Variants in MEGF10 observed in about 807,000 individuals in gnomAD.
MEGF10 encodes multiple EGF like domains 10, also known as multiple epidermal growth factor-like domains protein 10.
A neutral mutation model predicts 147.5 loss-of-function variants in MEGF10; 86 were observed. That is an observed-to-expected ratio of 0.58 (90% CI 0.49 to 0.70). MEGF10 has a LOEUF of 0.70. MEGF10 is among the 30% of genes least tolerant of loss of function. The probability of loss-of-function intolerance (pLI) is 0.00; values close to 1 mark genes in which losing one functional copy is unlikely to be tolerated. For missense variants in MEGF10, 1,329 were observed against 1,487.3 expected (o/e 0.89, Z 1.75); for synonymous variants, 478 against 525.5 (o/e 0.91, Z 1.24).
chr5:127,257,548 C>A, the MEGF10 span, among the ~76,000 whole-genome samples: 1 of 152,118 alleles, frequency 6.6e-6, no homozygotes, highest in Non-Finnish European at 1.5e-5. Flanking sequence ...AAAAGGATTA[C>A]CTTTGTAAAC....
At chr5:127,327,768 G>A (rs150646984) in intron 1 of MEGF10, among the ~76,000 whole-genome samples, 1 of 147,320 alleles carries the variant, frequency 6.8e-6, no homozygotes, top group African/African-American at 2.5e-5. Context: ...AGGCTGGAGT[G>A]CAATGGCACG....
At chr5:127,390,465 T>C (rs540875462) in intron 5 of MEGF10, among the ~76,000 whole-genome samples, 3 of 152,244 alleles carry the variant, frequency 2.0e-5, no homozygotes, top group East Asian at 1.9e-4. Flanking sequence ...AATTTTTGTA[T>C]ATTTTTGTAG....
intron 4 of MEGF10, among the ~76,000 whole-genome samples, chr5:127,341,504 G>A (rs1303947410): frequency 1.3e-5 from 2 of 152,056 alleles, no homozygotes. Flanking sequence ...CACTTGGCTG[G>A]GTGGCCTCAG....
At position 127,386,991 on chromosome 5, in the gene MEGF10, C is replaced by G. The variant is rs1024451708; in HGVS notation, c.413-9541C>G. On this transcript the variant is annotated intron_variant, in intron 5 of 24. Coordinates refer to ENST00000503335, the MANE Select transcript of MEGF10 (RefSeq NM_001256545.2). The stretch of plus-strand genomic sequence containing the variant: ...CCAAGGTTCTGTAGCGATGAATTGG[C>G]CATGGGCTAGCTAGGGCCCAGGTCT... Among the ~76,000 whole-genome samples, 3 of 152,320 alleles carry G rather than the reference C, an allele frequency of 2.0e-5. No homozygotes were observed. The East Asian group carries it at 5.8e-4, about 29-fold the overall frequency.
At position 127,445,712 on chromosome 5, in the gene MEGF10, G is replaced by T; in HGVS notation, c.2728+19G>T. On this transcript the variant is annotated intron_variant, in intron 20 of 24. Coordinates refer to ENST00000503335, the MANE Select transcript of MEGF10 (RefSeq NM_001256545.2). The stretch of plus-strand genomic sequence containing the variant: ...ATTTCAGGTAAGAGCAGAGGCAGGA[G>T]AGGCATTTTGCTTCTTGAAAAGTTA... The T allele has an allele frequency of 6.3e-7, 1 of 1,583,602 alleles. No individual in the cohort carries two copies. The highest frequency in any genetic ancestry group is 8.7e-7 in the Non-Finnish European group (1 of 1,152,566).
chr5:127,316,047 C>T (rs1760535886), intron 1 of MEGF10, among the ~76,000 whole-genome samples: 1 of 152,180 alleles, frequency 6.6e-6, no homozygotes, highest in South Asian at 2.1e-4. Flanking sequence ...CAGGCAGGCC[C>T]CAGGAATTGT....
At chr5:127,401,879 C>T (rs1036406843) in intron 7 of MEGF10, among the ~76,000 whole-genome samples, 17 of 152,252 alleles carry the variant, frequency 1.1e-4, no homozygotes, top group South Asian at 4.2e-4. Context: ...TGGTTTTTCT[C>T]CCCAGGAAAT....
chr5:127,330,497 A>C (rs1049999662), intron 1 of MEGF10, among the ~76,000 whole-genome samples: 2 of 152,006 alleles, frequency 1.3e-5, no homozygotes, highest in Non-Finnish European at 2.9e-5. Flanking sequence ...CACCCTCTTC[A>C]ATCTCCTTTG....
At chr5:127,369,837 G>A in intron 4 of MEGF10, 73 bp from the exon 5 acceptor site, 1 of 1,165,780 alleles carries the variant, frequency 8.6e-7, no homozygotes. Context: ...AGACTTGGAT[G>A]TGCAACAGCT....
chr5:127,315,408 A>T (rs978415403), intron 1 of MEGF10, among the ~76,000 whole-genome samples: 1 of 152,208 alleles, frequency 6.6e-6, no homozygotes. Context: ...ATATTTTAAA[A>T]TTTATAATCA....
chr5:127,458,319 GA>G lies in MEGF10; in HGVS notation c.*1004del, dbSNP rs1204157706. 1.3e-5 allele frequency: 2 copies of G among 152,138 alleles called. No individual in the cohort carries two copies. The highest frequency in any genetic ancestry group is 4.8e-5 in the African/African-American group (2 of 41,442). The allele number at this position is 152,138 out of a possible 1,614,324, so 9.4% of individuals were successfully genotyped here. On this transcript the variant is annotated 3_prime_UTR_variant, in exon 25 of 25. Transcript: ENST00000503335. The stretch of plus-strand genomic sequence containing the variant: ...GATTAATCTTTCCCTAGAAGTGACT[GA>G]AATATTTTTGTGCATATTTGAGAAA...
At chr5:127,326,082 AT>A (rs923583316) in intron 1 of MEGF10, among the ~76,000 whole-genome samples, 19 of 147,916 alleles carry the variant, frequency 1.3e-4, no homozygotes, top group Admixed American at 2.0e-4. Flanking sequence ...AGCCTGGCTA[AT>A]TTTTTTTTTT....
chr5:127,457,044 G>A, intron 24 of MEGF10, 84 bp from the exon 25 acceptor site: 1 of 1,328,410 alleles, frequency 7.5e-7, no homozygotes, highest in South Asian at 1.6e-5. Flanking sequence ...TCCCTTTGGT[G>A]TGTTTGACAT....
intron 13 of MEGF10, chr5:127,424,529 G>A: frequency 2.1e-5 from 30 of 1,428,902 alleles, no homozygotes; most frequent in Non-Finnish European, 2.6e-5. Context: ...AACCTCTTCA[G>A]TAGTGTCTCT....
intron 13 of MEGF10, among the ~76,000 whole-genome samples, chr5:127,432,794 T>A (rs1482295342): frequency 6.6e-6 from 1 of 152,238 alleles, no homozygotes; most frequent in Admixed American, 6.5e-5. Context: ...TGTGATATTC[T>A]GCCAATATCT....
rs1424190911 is a variant in MEGF10 at position 127,457,625 on chromosome 5, G to A, written c.*307G>A. The A allele has an allele frequency of 1.2e-5, 4 of 325,030 alleles. No individual in the cohort carries two copies. The highest frequency in any genetic ancestry group is 5.9e-5 in the East Asian group (1 of 16,988). 20.1% of individuals were successfully genotyped at this position (325,030 alleles called of 1,614,324 possible). On this transcript the variant is annotated 3_prime_UTR_variant, in exon 25 of 25. Transcript: ENST00000503335. ...TTGCAGAACTCCCTCGGAGACGCAGGTTGCAGTGGACATTGGGATTGTTGC... is the reference window on the plus strand; with the variant it reads ...TTGCAGAACTCCCTCGGAGACGCAGATTGCAGTGGACATTGGGATTGTTGC...
At chr5:127,236,030 G>A in the MEGF10 span, among the ~76,000 whole-genome samples, 1 of 151,868 alleles carries the variant, frequency 6.6e-6, no homozygotes, top group Non-Finnish European at 1.5e-5. Context: ...TGGAGTACAG[G>A]GGTGCGATCT....
intron 5 of MEGF10, among the ~76,000 whole-genome samples, chr5:127,395,834 G>A (rs530473653): frequency 9.2e-5 from 14 of 152,188 alleles, no homozygotes; most frequent in South Asian, 6.2e-4. Context: ...GTGAGCCACC[G>A]TTGACTGATA....
intron 4 of MEGF10, among the ~76,000 whole-genome samples, chr5:127,350,371 G>T (rs1487849429): frequency 6.6e-6 from 1 of 152,058 alleles, no homozygotes; most frequent in Non-Finnish European, 1.5e-5. Context: ...CTTGAATATT[G>T]TGTGTCCCAA....
Sources: gnomAD v4.1 joint callset for allele counts (sites outside exome capture counted in the v4.1 genomes callset) on GRCh38, gnomAD v4.1.1 for gene constraint, MANE v1.5 for transcripts, NCBI Gene and HGNC (gene_info 2026-07-23, HGNC 2026-07-21) for gene names.